The following CACNB4 variants were observed in gnomAD, a reference collection of about 807,000 sequenced individuals.
The protein encoded by CACNB4 is calcium voltage-gated channel auxiliary subunit beta 4.
A neutral mutation model predicts 71.2 loss-of-function variants in CACNB4; 32 were observed. The ratio of observed to expected loss-of-function variants is 0.45; its 90% CI spans 0.34 to 0.60. The LOEUF (loss-of-function observed/expected upper bound fraction) is 0.60. Ranked by LOEUF, CACNB4 falls within the 20% of genes least tolerant of loss-of-function variation. The probability of loss-of-function intolerance (pLI) is 0.01; values close to 1 mark genes in which losing one functional copy is unlikely to be tolerated. For missense variants in CACNB4, 464 were observed against 647.9 expected (o/e 0.72, Z 3.08); for synonymous variants, 231 against 236.9 (o/e 0.97, Z 0.23).
At chr2:151,916,268 CT>C (rs2099857498) in intron 2 of CACNB4, among the ~76,000 whole-genome samples, 1 of 152,096 alleles carries the variant, frequency 6.6e-6, no homozygotes, top group Non-Finnish European at 1.5e-5. Flanking sequence ...CTCTTATCTC[CT>C]TTTTTATGCA....
chr2:151,920,664 A>C (rs1303437271), intron 2 of CACNB4, among the ~76,000 whole-genome samples: 1 of 152,060 alleles, frequency 6.6e-6, no homozygotes, highest in African/African-American at 2.4e-5. Context: ...AGCATGTATC[A>C]GTCTATTGTA....
chr2:151,863,142 T>C (rs1234421089), intron 9 of CACNB4, among the ~76,000 whole-genome samples: 5 of 151,758 alleles, frequency 3.3e-5, no homozygotes, highest in African/African-American at 1.2e-4. Context: ...CTTAACTCAC[T>C]GCAACCTCCA....
chr2:151,896,539 G>A (rs1179577690), intron 2 of CACNB4, among the ~76,000 whole-genome samples: 3 of 152,196 alleles, frequency 2.0e-5, no homozygotes, highest in African/African-American at 7.2e-5. Context: ...GGCCTTGATG[G>A]TAACCACACG....
At chr2:151,949,439 G>A (rs1376078378) in intron 2 of CACNB4, among the ~76,000 whole-genome samples, 1 of 151,996 alleles carries the variant, frequency 6.6e-6, no homozygotes, top group Non-Finnish European at 1.5e-5. Flanking sequence ...GAGGCTTCTG[G>A]CAGGATGTGA....
intron 2 of CACNB4, among the ~76,000 whole-genome samples, chr2:151,999,611 G>A (rs114615518): frequency 8.8e-4 from 134 of 152,240 alleles, no homozygotes; most frequent in African/African-American, 3.1e-3. Context: ...TGATTCTGAC[G>A]CACAGCCAGA....
chr2:151,934,164 G>A (rs985816194), intron 2 of CACNB4, among the ~76,000 whole-genome samples: 24 of 152,182 alleles, frequency 1.6e-4, no homozygotes, highest in African/African-American at 5.5e-4. Flanking sequence ...TGATCACAGG[G>A]GACAAAAGGG....
chr2:152,030,754 A>C (rs555686449), intron 2 of CACNB4, among the ~76,000 whole-genome samples: 1 of 152,360 alleles, frequency 6.6e-6, no homozygotes, highest in African/African-American at 2.4e-5. Context: ...AGCTGCCTCC[A>C]TGTCCCTACA....
chr2:151,844,288 GT>G (rs1260197006), intron 12 of CACNB4, among the ~76,000 whole-genome samples: 1 of 152,126 alleles, frequency 6.6e-6, no homozygotes, highest in Non-Finnish European at 1.5e-5. Flanking sequence ...GCCAGTTAAC[GT>G]TTGAAGCTGC....
rs1559871505 is a variant in CACNB4 at position 151,855,277 on chromosome 2, T to G, written c.967A>C (p.Ile323Leu). The change falls in exon 11 of 14, where the codon ATA becomes CTA. Residue 323 changes from isoleucine to leucine, a missense_variant. Around this residue, in one of 3 missense-constraint regions of CACNB4, gnomAD observed 299 missense variants for 471.7 expected, o/e 0.63. Transcript: ENST00000539935. Reference protein sequence around the residue: ...ADTINHPAQLIKTSLAPIIVH... With the variant: ...ADTINHPAQLLKTSLAPIIVH... ...ATAATTGGTGCTAAGGAAGTCTTTA[T>G]AAGTTGTGCTGGGTGATTGATGGTG... The G allele has an allele frequency of 5.7e-6, 9 of 1,587,774 alleles. No individual in the cohort carries two copies. In the East Asian group the frequency reaches 2.0e-4, roughly 36 times the overall value.
At chr2:152,021,891 C>T (rs192926858) in intron 2 of CACNB4, among the ~76,000 whole-genome samples, 34 of 152,208 alleles carry the variant, frequency 2.2e-4, no homozygotes, top group Admixed American at 1.2e-3. Context: ...TGGCTTTTTA[C>T]GTTTTATCTT....
At chr2:152,080,806 G>A (rs1347249087) in intron 2 of CACNB4, among the ~76,000 whole-genome samples, 2 of 152,104 alleles carry the variant, frequency 1.3e-5, no homozygotes, top group Non-Finnish European at 1.5e-5. Context: ...ATGTCTTGGT[G>A]CCCTGCTCAG....
At position 151,897,215 on chromosome 2, in the gene CACNB4, C is replaced by T. The variant is rs147363984; in HGVS notation, c.148-13845G>A. Among the ~76,000 whole-genome samples, 6 of 152,278 alleles carry T rather than the reference C, an allele frequency of 3.9e-5. No homozygotes were observed. In the East Asian group the frequency reaches 9.6e-4, roughly 24 times the overall value. Reference sequence around the variant, plus strand: ...AAGTCACTGGGCCATGATCCACTGGCGAAGCTGAGACTTGCATTTCAAGCA... The same window carrying T: ...AAGTCACTGGGCCATGATCCACTGGTGAAGCTGAGACTTGCATTTCAAGCA... On this transcript the variant is annotated intron_variant, in intron 2 of 13. Transcript: ENST00000539935.
chr2:152,052,321 G>A (rs1271349826), intron 2 of CACNB4, among the ~76,000 whole-genome samples: 1 of 152,040 alleles, frequency 6.6e-6, no homozygotes, highest in East Asian at 1.9e-4. Context: ...TGTTTTTTGA[G>A]ACAGAGTCTC....
At chr2:152,001,346 G>A (rs745671275) in intron 2 of CACNB4, among the ~76,000 whole-genome samples, 1 of 151,864 alleles carries the variant, frequency 6.6e-6, no homozygotes, top group Non-Finnish European at 1.5e-5. Flanking sequence ...GATGAAATGT[G>A]TATGTACCTG....
intron 4 of CACNB4, 103 bp from the exon 5 acceptor site, chr2:151,876,659 T>C (rs1173227704): frequency 7.1e-6 from 3 of 420,112 alleles, no homozygotes; most frequent in Non-Finnish European, 4.2e-6. Context: ...TTATATGATA[T>C]GATATGCTAT....
At chr2:151,926,261 AGT>A (rs2099860234) in intron 2 of CACNB4, among the ~76,000 whole-genome samples, 1 of 152,180 alleles carries the variant, frequency 6.6e-6, no homozygotes, top group Non-Finnish European at 1.5e-5. Flanking sequence ...AAACCAAGAG[AGT>A]GTGTATCCTT....
chr2:152,028,111 C>G (rs1427751153), intron 2 of CACNB4, among the ~76,000 whole-genome samples: 1 of 152,094 alleles, frequency 6.6e-6, no homozygotes, highest in Non-Finnish European at 1.5e-5. Flanking sequence ...GAAACCTAAT[C>G]AAATGAGGGG....
chr2:151,997,330 C>G (rs1271234912), intron 2 of CACNB4, among the ~76,000 whole-genome samples: 1 of 151,986 alleles, frequency 6.6e-6, no homozygotes, highest in Non-Finnish European at 1.5e-5. Context: ...GTCAGGAGAT[C>G]GAGACCATCC....
chr2:152,093,181 A>G (rs1688072078), intron 2 of CACNB4, among the ~76,000 whole-genome samples: 1 of 152,158 alleles, frequency 6.6e-6, no homozygotes, highest in South Asian at 2.1e-4. Context: ...TGTGGATTTT[A>G]GTAGATAATT....
Sources: gnomAD v4.1 joint callset for allele counts (sites outside exome capture counted in the v4.1 genomes callset) on GRCh38, gnomAD v4.1.1 for gene constraint, gnomAD v4.1.1 regional missense constraint, MANE v1.5 for transcripts, NCBI Gene and HGNC (gene_info 2026-07-23, HGNC 2026-07-21) for gene names.